Variants in RAB11FIP5 observed in about 807,000 individuals in gnomAD.
The protein encoded by RAB11FIP5 is RAB11 family interacting protein 5, also known as rab11 family-interacting protein 5.
In RAB11FIP5, 48 loss-of-function variants were observed where a neutral mutation model predicts 85.1. The ratio of observed to expected loss-of-function variants is 0.56; its 90% CI spans 0.45 to 0.72. The LOEUF is 0.72. Among genes scored for constraint, RAB11FIP5 ranks in the 30% least tolerant of loss-of-function variants. RAB11FIP5 has a pLI of 0.00. For synonymous variants in RAB11FIP5, 729 were observed against 727.3 expected (o/e 1.00, Z -0.04); for missense variants, 1,491 against 1,687.0 (o/e 0.88, Z 2.04).
At position 73,079,932 on chromosome 2, in the gene RAB11FIP5, G is replaced by A. The variant is rs1252555751; in HGVS notation, c.3300C>T (p.Pro1100=). The A allele has an allele frequency of 8.1e-7, 1 of 1,232,194 alleles. No homozygotes were observed. Among genetic ancestry groups the A allele is most frequent in the African/African-American group, 1.6e-5 (1 of 64,390 alleles). The allele number at this position is 1,232,194 out of a possible 1,614,324, so 76.3% of individuals were successfully genotyped here. Residue 1100 remains proline, a synonymous_variant, in exon 4 of 6, where the codon CCC becomes CCT. Coordinates refer to ENST00000486777, the MANE Select transcript of RAB11FIP5 (RefSeq NM_001371272.1). ...IHSGPEELPT[P]PEPDFPPPPL... is the part of the protein sequence containing the mutation. Reference sequence around the variant, plus strand: ...GGGGCGGTGGAAAGTCAGGCTCTGGGGGAGTGGGCAGCTCTTCTGGACCAG... The same window carrying A: ...GGGGCGGTGGAAAGTCAGGCTCTGGAGGAGTGGGCAGCTCTTCTGGACCAG...
rs1683959153 is a variant in RAB11FIP5, at chr2:73,080,734, C to CA, written c.2497dup (p.Trp833LeufsTer13). 8.1e-7 allele frequency: 1 copy of CA among 1,232,462 alleles called. No individual in the cohort carries two copies. Among genetic ancestry groups the CA allele is most frequent in the African/African-American group, 1.6e-5 (1 of 64,414 alleles). The allele number at this position is 1,232,462 out of a possible 1,614,324, so 76.3% of individuals were successfully genotyped here. ...AGAAATGGTGACCACATCCCAAGGC[C>CA]AGGCATCATCAGCTGTCTCGACGTC... On this transcript the variant is annotated frameshift_variant, in exon 4 of 6. Transcript: ENST00000486777. LOFTEE classifies it high-confidence loss of function.
intron 1 of RAB11FIP5, among the ~76,000 whole-genome samples, chr2:73,092,347 C>T (rs567054647): frequency 7.9e-5 from 12 of 152,310 alleles, no homozygotes; most frequent in African/African-American, 2.9e-4. Context: ...CACACCACAG[C>T]GGTAATGCAA....
intron 1 of RAB11FIP5, among the ~76,000 whole-genome samples, chr2:73,104,878 G>A (rs1365791226): frequency 5.9e-5 from 9 of 152,186 alleles, no homozygotes; most frequent in South Asian, 2.1e-4. Context: ...TCCTTGCTGC[G>A]TTAGGCTTAT....
intron 1 of RAB11FIP5, among the ~76,000 whole-genome samples, chr2:73,094,645 C>T (rs951074160): frequency 3.3e-5 from 5 of 152,184 alleles, no homozygotes; most frequent in Admixed American, 6.5e-5. Flanking sequence ...TGGTCCCTAA[C>T]GCTTTACATC....
At chr2:73,103,776 T>G (rs1684473950) in intron 1 of RAB11FIP5, among the ~76,000 whole-genome samples, 1 of 152,132 alleles carries the variant, frequency 6.6e-6, no homozygotes, top group African/African-American at 2.4e-5. Context: ...ATAAGTGAGG[T>G]GGCCCAGGAC....
Position 73,086,265 on chromosome 2 carries a change from C to G in RAB11FIP5, c.1568+1785G>C, listed in dbSNP as rs937383080. 3.9e-5 allele frequency among the ~76,000 whole-genome samples: 6 copies of G among 152,202 alleles called. No individual in the cohort carries two copies. Among genetic ancestry groups the G allele is most frequent in the African/African-American group, 1.2e-4 (5 of 41,450 alleles). ...CCATCTTGGGAGGGATGCTGAGTGC[C>G]CTCCATCCTGCTAAAGACAAGGCTC... On this transcript the variant is annotated intron_variant, in intron 3 of 5. Coordinates refer to ENST00000486777, the MANE Select transcript of RAB11FIP5 (RefSeq NM_001371272.1). The surrounding 1 kb of genome is among the most constrained non-coding windows in gnomAD (Gnocchi z 4.4).
intron 1 of RAB11FIP5, among the ~76,000 whole-genome samples, chr2:73,092,629 A>G (rs1684239911): frequency 6.6e-6 from 1 of 152,076 alleles, no homozygotes; most frequent in South Asian, 2.1e-4. Context: ...TCTCTCCCCT[A>G]TAAGGTCACT....
intron 1 of RAB11FIP5, among the ~76,000 whole-genome samples, chr2:73,105,247 T>A (rs1684501972): frequency 6.6e-6 from 1 of 151,954 alleles, no homozygotes. Flanking sequence ...CTCCTTTTTT[T>A]ATTTTTATTT....
At chr2:73,098,879 T>C (rs1383471931) in intron 1 of RAB11FIP5, among the ~76,000 whole-genome samples, 1 of 152,176 alleles carries the variant, frequency 6.6e-6, no homozygotes, top group African/African-American at 2.4e-5. Context: ...CCAAGAGAAA[T>C]CGGATTATTT....
chr2:73,094,070 A>C (rs1311973763), intron 1 of RAB11FIP5, among the ~76,000 whole-genome samples: 2 of 151,306 alleles, frequency 1.3e-5, no homozygotes, highest in East Asian at 3.9e-4. Flanking sequence ...GCAGTGAGCC[A>C]AGATTATATC....
intron 1 of RAB11FIP5, among the ~76,000 whole-genome samples, chr2:73,107,165 A>C (rs2106124973): frequency 6.6e-6 from 1 of 152,258 alleles, no homozygotes; most frequent in East Asian, 1.9e-4. Flanking sequence ...CATTTTTATT[A>C]CTTGGCTGTG....
chr2:73,081,563 C>A lies in RAB11FIP5; in HGVS notation c.1669G>T (p.Ala557Ser). 8.3e-7 allele frequency: 1 copy of A among 1,204,282 alleles called. No homozygotes were observed. Among genetic ancestry groups the A allele is most frequent in the Non-Finnish European group, 1.0e-6 (1 of 962,718 alleles). 74.6% of individuals were successfully genotyped at this position (1,204,282 alleles called of 1,614,324 possible). The stretch of plus-strand genomic sequence containing the variant: ...AGGTTAGTGCTTAGCATGGGAGCAG[C>A]AGTGGGAGCAGGAGTGGGAGGGGCC... ...APAPPTPAPT[A>S]APMLSTNLFA... Residue 557 changes from alanine to serine, a missense_variant, in exon 4 of 6, where the codon GCT becomes TCT. Around this residue, in one of 3 missense-constraint regions of RAB11FIP5, gnomAD observed 1,211 missense variants for 1,338.0 expected, o/e 0.91. Coordinates refer to ENST00000486777, the MANE Select transcript of RAB11FIP5 (RefSeq NM_001371272.1). The surrounding 1 kb of genome is among the most constrained non-coding windows in gnomAD (Gnocchi z 4.2).
chr2:73,108,191 G>A (rs2106125784), intron 1 of RAB11FIP5, among the ~76,000 whole-genome samples: 1 of 152,328 alleles, frequency 6.6e-6, no homozygotes, highest in Non-Finnish European at 1.5e-5. Flanking sequence ...GGAGCCTCTT[G>A]CAGGCCACAA....
chr2:73,081,090 ACCTCTT>A lies in RAB11FIP5; in HGVS notation c.2136_2141del (p.Arg713_Gly714del), dbSNP rs888599601. 1.6e-6 allele frequency: 2 copies of A among 1,220,990 alleles called. No individual in the cohort carries two copies. The highest frequency in any genetic ancestry group is 2.0e-6 in the Non-Finnish European group (2 of 987,778). 75.6% of individuals were successfully genotyped at this position (1,220,990 alleles called of 1,614,324 possible). ...TGGGCTCCAGCCACACGCTGCTCCC[ACCTCTT>A]CCTCCTCCTCCTCCTCCTCCTCCTC... is the stretch of plus-strand genomic sequence containing the variant. On this transcript the variant is annotated inframe_deletion, in exon 4 of 6. Coordinates refer to ENST00000486777, the MANE Select transcript of RAB11FIP5 (RefSeq NM_001371272.1). This position sits in a 1 kb window ranked among gnomAD's most constrained non-coding sequence, Gnocchi z 4.2.
Position 73,089,582 on chromosome 2 carries a change from C to A in RAB11FIP5, c.432-267G>T. ...ACCAGGTAGGGCGGCGGTTACCACACCATGCCTCCTCCCACCCCAGGACCT... is the reference window on the plus strand; with the variant it reads ...ACCAGGTAGGGCGGCGGTTACCACAACATGCCTCCTCCCACCCCAGGACCT... On this transcript the variant is annotated intron_variant, in intron 1 of 5. Coordinates refer to ENST00000486777, the MANE Select transcript of RAB11FIP5 (RefSeq NM_001371272.1). This position sits in a 1 kb window ranked among gnomAD's most constrained non-coding sequence, Gnocchi z 4.6. The A allele has an allele frequency of 1.9e-6, 1 of 533,502 alleles. No homozygotes were observed. The highest frequency in any genetic ancestry group is 2.0e-5 in the South Asian group (1 of 50,944). The allele number at this position is 533,502 out of a possible 1,614,324, so 33.0% of individuals were successfully genotyped here.
intron 1 of RAB11FIP5, among the ~76,000 whole-genome samples, chr2:73,099,908 C>T (rs1684396212): frequency 6.6e-6 from 1 of 152,216 alleles, no homozygotes. Flanking sequence ...CTACTACCAC[C>T]CTGGGGACAA....
intron 1 of RAB11FIP5, among the ~76,000 whole-genome samples, chr2:73,102,704 T>C (rs1046861918): frequency 1.3e-5 from 2 of 152,168 alleles, no homozygotes; most frequent in Non-Finnish European, 2.9e-5. Flanking sequence ...GAACATCTTC[T>C]AACACCTGCC....
rs1331226630 is a variant in RAB11FIP5 at position 73,086,225 on chromosome 2, A to T, written c.1568+1825T>A. 6.6e-6 allele frequency among the ~76,000 whole-genome samples: 1 copy of T among 152,112 alleles called. No individual in the cohort carries two copies. The highest frequency in any genetic ancestry group is 1.5e-5 in the Non-Finnish European group (1 of 68,002). ...CACAGAGCCTGGCCCTGCAGCCGCC[A>T]CCTGCAAATAGGCCCCATCTTGGGA... On this transcript the variant is annotated intron_variant, in intron 3 of 5. Coordinates refer to ENST00000486777, the MANE Select transcript of RAB11FIP5 (RefSeq NM_001371272.1). This position sits in a 1 kb window ranked among gnomAD's most constrained non-coding sequence, Gnocchi z 4.4.
At position 73,075,604 on chromosome 2, in the gene RAB11FIP5, C is replaced by T. The variant is rs757693881; in HGVS notation, c.3892G>A (p.Glu1298Lys). ...SQRDEHVQELESYIDRLLVRI... is the reference protein window; with the variant it reads ...SQRDEHVQELKSYIDRLLVRI... ...ACCAGCAGCCGGTCGATGTAGCTCT[C>T]CAGCTCCTGCACATGCTCGTCCCGC... Residue 1298 changes from glutamate (E) to lysine (K), a missense_variant, in exon 6 of 6, where the codon GAG becomes AAG. Around this residue, in one of 3 missense-constraint regions of RAB11FIP5, gnomAD observed 232 missense variants for 259.1 expected, o/e 0.90. Coordinates refer to ENST00000486777, the MANE Select transcript of RAB11FIP5 (RefSeq NM_001371272.1). The surrounding 1 kb of genome is among the most constrained non-coding windows in gnomAD (Gnocchi z 4.6). 2.5e-6 allele frequency: 4 copies of T among 1,614,060 alleles called. No individual in the cohort carries two copies. Among genetic ancestry groups the T allele is most frequent in the Admixed American group, 3.3e-5 (2 of 60,010 alleles).
Sources: allele counts gnomAD v4.1 joint callset (sites outside exome capture counted in the v4.1 genomes callset), GRCh38; gene constraint gnomAD v4.1.1; regional missense constraint gnomAD v4.1.1; non-coding constraint Gnocchi (gnomAD v3.1); transcripts MANE v1.5; gene names NCBI Gene and HGNC (gene_info 2026-07-23, HGNC 2026-07-21).